The following NTRK2 variants were observed in gnomAD, a reference collection of about 807,000 sequenced individuals.
NTRK2 encodes neurotrophic receptor tyrosine kinase 2.
In NTRK2, 13 loss-of-function variants were observed where a neutral mutation model predicts 94.5. That is an observed-to-expected ratio of 0.14 (90% CI 0.09 to 0.22). NTRK2 has a LOEUF of 0.22. Ranked by LOEUF, NTRK2 falls within the 10% of genes least tolerant of loss-of-function variation. The probability of loss-of-function intolerance (pLI) is 1.00; values close to 1 mark genes in which losing one functional copy is unlikely to be tolerated. For missense variants in NTRK2, 639 were observed against 1,071.2 expected, an observed-to-expected ratio of 0.60 and a Z score of 5.63; for synonymous variants, 372 against 407.4, an observed-to-expected ratio of 0.91 and a Z score of 1.05.
chr9:84,788,492 G>T (rs936335847), intron 12 of NTRK2, among the ~76,000 whole-genome samples: 1 of 152,194 alleles, frequency 6.6e-6, no homozygotes, highest in African/African-American at 2.4e-5. Flanking sequence ...GGTTCAGATG[G>T]GGGCTCTTCC....
rs1173199220 is a variant in NTRK2, at chr9:84,706,521, G to GTTTTTTTT, written c.360-1318_360-1317insTTTTTTTT. ...TCAGATCTCATGTGTGTTATTTTTT[G>GTTTTTTTT]TTTTTGTTTTTTTTTTTTTTTTTTT... is the stretch of plus-strand genomic sequence containing the variant. On this transcript the variant is annotated intron_variant, in intron 4 of 18. Transcript: ENST00000277120. 1.2e-3 allele frequency among the ~76,000 whole-genome samples: 114 copies of GTTTTTTTT among 95,364 alleles called. 17 individuals are homozygous for GTTTTTTTT. Among genetic ancestry groups the GTTTTTTTT allele is most frequent in the Non-Finnish European group, 1.4e-3 (72 of 50,994 alleles). The allele number at this position is 95,364 out of a possible 152,430, so 62.6% of individuals were successfully genotyped here.
At chr9:84,728,105 G>A (rs952271645) in intron 9 of NTRK2, 146 bp downstream of exon 9, 14 of 772,270 alleles carry the variant, frequency 1.8e-5, no homozygotes, top group Middle Eastern at 2.4e-4. Context: ...ATAGGTCAGC[G>A]GAGTGGTTTT....
intron 12 of NTRK2, among the ~76,000 whole-genome samples, chr9:84,803,005 A>G (rs2070687410): frequency 6.6e-6 from 1 of 152,140 alleles, no homozygotes; most frequent in Non-Finnish European, 1.5e-5. Flanking sequence ...GATCTGATCT[A>G]TGACTTTCAA....
Position 84,967,641 on chromosome 9 carries a change from G to A in NTRK2, c.2172+12124G>A, listed in dbSNP as rs535946960. On this transcript the variant is annotated intron_variant, in intron 17 of 18. Coordinates refer to ENST00000277120, the MANE Select transcript of NTRK2 (RefSeq NM_006180.6). ...CATGACGCTGGGCTCCTTTGACGGCGGAGCCCAGCTATGTGGCCCACGCCC... is the reference window on the plus strand; with the variant it reads ...CATGACGCTGGGCTCCTTTGACGGCAGAGCCCAGCTATGTGGCCCACGCCC... Among the ~76,000 whole-genome samples, 139 of 152,352 alleles carry A rather than the reference G, an allele frequency of 9.1e-4. 1 individual carries two copies. The highest frequency in any genetic ancestry group is 6.6e-3 in the East Asian group (34 of 5,182).
At chr9:84,956,101 T>C (rs1024617509) in intron 17 of NTRK2, among the ~76,000 whole-genome samples, 8 of 152,190 alleles carry the variant, frequency 5.3e-5, no homozygotes, top group Non-Finnish European at 7.3e-5. Context: ...GGTTTGGCTT[T>C]GATTCTGTGA....
At chr9:84,831,012 T>C (rs2131669552) in intron 12 of NTRK2, among the ~76,000 whole-genome samples, 1 of 152,368 alleles carries the variant, frequency 6.6e-6, no homozygotes, top group African/African-American at 2.4e-5. Flanking sequence ...TTCATGGAGT[T>C]AACATTTGTC....
At chr9:84,993,622 A>G (rs978022249) in intron 17 of NTRK2, among the ~76,000 whole-genome samples, 12 of 152,106 alleles carry the variant, frequency 7.9e-5, no homozygotes, top group African/African-American at 2.7e-4. Flanking sequence ...TCAGCATAAA[A>G]TCTTCTATGT....
At chr9:84,925,217 G>C (rs1297527548) in intron 14 of NTRK2, among the ~76,000 whole-genome samples, 1 of 125,192 alleles carries the variant, frequency 8.0e-6, no homozygotes, top group African/African-American at 3.1e-5. Context: ...TTTTTTTTTG[G>C]AGCTATTTTA....
intron 4 of NTRK2, 104 bp from the exon 5 acceptor site, chr9:84,707,740 T>C: frequency 2.2e-6 from 2 of 890,630 alleles, no homozygotes; most frequent in Non-Finnish European, 3.7e-6. Context: ...GCTTATATAA[T>C]GATCAAATAA....
Position 84,953,761 on chromosome 9 carries a change from T to C in NTRK2, c.1938-1522T>C, listed in dbSNP as rs567795771. On this transcript the variant is annotated intron_variant, in intron 16 of 18. Coordinates refer to ENST00000277120, the MANE Select transcript of NTRK2 (RefSeq NM_006180.6). ...AATTACCCAGTATAATATTCCTCTG[T>C]ATTTTTGACTAATGAAGAAATTGTA... Among the ~76,000 whole-genome samples the C allele has an allele frequency of 5.1e-4, 77 of 152,338 alleles. 2 individuals are homozygous for C. The highest frequency in any genetic ancestry group is 1.8e-4 in the Non-Finnish European group (12 of 68,026).
rs200582519 is a variant in NTRK2 at position 84,670,547 on chromosome 9, G to T, written c.-202G>T. On this transcript the variant is annotated 5_prime_UTR_variant, in exon 2 of 19. Transcript: ENST00000277120. Reference sequence around the variant, plus strand: ...CTGTAAAGCGGTTCGCTATGCCGGGGCCACTGTGAACCCTGCCGCCTGCCG... The same window carrying T: ...CTGTAAAGCGGTTCGCTATGCCGGGTCCACTGTGAACCCTGCCGCCTGCCG... 4.9e-6 allele frequency: 3 copies of T among 611,690 alleles called. No homozygotes were observed. The highest frequency in any genetic ancestry group is 8.7e-6 in the Non-Finnish European group (3 of 345,098). The allele number at this position is 611,690 out of a possible 1,614,324, so 37.9% of individuals were successfully genotyped here. A position where few individuals can be genotyped will look rare whatever the true frequency, so the allele number is the denominator to read the frequency against.
intron 14 of NTRK2, chr9:84,875,252 C>G: frequency 9.4e-7 from 1 of 1,058,822 alleles, no homozygotes; most frequent in Non-Finnish European, 1.1e-6. Context: ...GTAGGAAGCA[C>G]ATTGGGTGTA....
intron 9 of NTRK2, among the ~76,000 whole-genome samples, chr9:84,736,559 G>A (rs778101656): frequency 4.6e-5 from 7 of 152,086 alleles, no homozygotes; most frequent in Non-Finnish European, 7.4e-5. Flanking sequence ...TCTTTTGTCA[G>A]GACCTATTTC....
chr9:85,011,796 A>G (rs1468275110), intron 17 of NTRK2, among the ~76,000 whole-genome samples: 1 of 152,124 alleles, frequency 6.6e-6, no homozygotes, highest in Admixed American at 6.5e-5. Context: ...GCTAAAATGC[A>G]GAGTGCTAAG....
At position 84,958,556 on chromosome 9, in the gene NTRK2, T is replaced by C. The variant is rs1451099925; in HGVS notation, c.2172+3039T>C. On this transcript the variant is annotated intron_variant, in intron 17 of 18. Coordinates refer to ENST00000277120, the MANE Select transcript of NTRK2 (RefSeq NM_006180.6). ...AATGTGCTCCAGATGCCATGTTAATTTCACCCCCGTGGCCACTACTCGGTT... is the reference window on the plus strand; with the variant it reads ...AATGTGCTCCAGATGCCATGTTAATCTCACCCCCGTGGCCACTACTCGGTT... Among the ~76,000 whole-genome samples, 3 of 152,166 alleles carry C rather than the reference T, an allele frequency of 2.0e-5. No individual in the cohort carries two copies. In the East Asian group the frequency reaches 5.8e-4, roughly 29 times the overall value.
In NTRK2 at chr9:84,920,520, C is replaced by T. The variant is rs531358272; in HGVS notation, c.1634-13642C>T. Among the ~76,000 whole-genome samples the T allele has an allele frequency of 2.6e-5, 4 of 152,288 alleles. No individual in the cohort carries two copies. In the East Asian group the frequency reaches 7.7e-4, roughly 29 times the overall value. ...TTTCCCACTCCTTCCGTCTGTTGCA[C>T]CTGCTGGCCCCAAGCCTGGAGCTAT... On this transcript the variant is annotated intron_variant, in intron 14 of 18. Transcript: ENST00000277120.
chr9:84,687,820 C>G (rs922882646), intron 2 of NTRK2, among the ~76,000 whole-genome samples: 2 of 152,164 alleles, frequency 1.3e-5, no homozygotes, highest in African/African-American at 4.8e-5. Flanking sequence ...CTTAGGCCAG[C>G]TCCTACCATT....
chr9:84,846,848 AC>A (rs2074497474), intron 12 of NTRK2, among the ~76,000 whole-genome samples: 1 of 152,088 alleles, frequency 6.6e-6, no homozygotes, highest in Non-Finnish European at 1.5e-5. Context: ...TACCCTCAAG[AC>A]TCGCATCGTT....
intron 12 of NTRK2, among the ~76,000 whole-genome samples, chr9:84,768,816 T>C (rs1328875699): frequency 1.3e-5 from 2 of 152,066 alleles, no homozygotes; most frequent in East Asian, 3.9e-4. Context: ...TGGCAGTGGA[T>C]GGGAAATTAC....
Sources: gnomAD v4.1 joint callset for allele counts (sites outside exome capture counted in the v4.1 genomes callset) on GRCh38, gnomAD v4.1.1 for gene constraint, MANE v1.5 for transcripts, NCBI Gene and HGNC (gene_info 2026-07-23, HGNC 2026-07-21) for gene names.